SPATA31E1: variants seen among roughly 807,000 people sequenced by gnomAD.
The protein encoded by SPATA31E1 is spermatogenesis-associated protein 31E1.
A neutral mutation model predicts 12.9 loss-of-function variants in SPATA31E1; 7 were observed. The observed-to-expected ratio is 0.54, with a 90% CI of 0.31 to 1.02. SPATA31E1 has a LOEUF of 1.02. SPATA31E1 is among the 50% of genes least tolerant of loss of function. The probability of loss-of-function intolerance (pLI) is 0.05; values close to 1 mark genes in which losing one functional copy is unlikely to be tolerated. For synonymous variants in SPATA31E1, 771 were observed against 719.0 expected, an observed-to-expected ratio of 1.07 and a Z score of -1.16; for missense variants, 1,961 against 1,799.8, an observed-to-expected ratio of 1.09 and a Z score of -1.62.
At position 87,888,623 on chromosome 9, in the gene SPATA31E1, C is replaced by G. The variant is rs557844478; in HGVS notation, c.4136C>G (p.Pro1379Arg). 6.2e-7 allele frequency: 1 copy of G among 1,614,080 alleles called. No individual in the cohort carries two copies. Among genetic ancestry groups the G allele is most frequent in the African/African-American group, 1.3e-5 (1 of 75,030 alleles). ...SREMRALACSPKATPKGHHCP... is the reference protein window; with the variant it reads ...SREMRALACSRKATPKGHHCP... ...GAGATGAGAGCTCTGGCCTGCAGCC[C>G]TAAAGCCACCCCCAAGGGCCACCAC... Residue 1379 changes from proline (P) to arginine (R), a missense_variant, in exon 4 of 4, where the codon CCT becomes CGT. Transcript: ENST00000325643.
chr9:87,886,652 C>CA lies in SPATA31E1; in HGVS notation c.2166dup (p.Gly723ArgfsTer17). On this transcript the variant is annotated frameshift_variant, in exon 4 of 4. Coordinates refer to ENST00000325643, the MANE Select transcript of SPATA31E1 (RefSeq NM_178828.5). LOFTEE classifies it low-confidence loss of function (END_TRUNC). ...CCGGACCCAAGCCGGGATCAAGGCTCAGGAAGGACCTCAGTGAAGGCTCTG... is the reference window on the plus strand; with the variant it reads ...CCGGACCCAAGCCGGGATCAAGGCTCAAGGAAGGACCTCAGTGAAGGCTCTG... The CA allele has an allele frequency of 6.2e-7, 1 of 1,613,956 alleles. No individual in the cohort carries two copies. The highest frequency in any genetic ancestry group is 1.7e-5 in the Admixed American group (1 of 60,012).
Position 87,884,967 on chromosome 9 carries a change from C to T in SPATA31E1, c.480C>T (p.Asp160=). The T allele has an allele frequency of 6.2e-7, 1 of 1,613,966 alleles. No individual in the cohort carries two copies. ...GCTCCCACCTGCCCTTAGGTGGAGA[C>T]CCCCTGGGGGACGTGTGTAAACCAG... is the stretch of plus-strand genomic sequence containing the variant. ...EGSSHLPLGG[D]PLGDVCKPVP... is the part of the protein sequence containing the mutation. Residue 160 remains aspartate, a synonymous_variant, in exon 4 of 4, where the codon GAC becomes GAT. Transcript: ENST00000325643.
Position 87,887,066 on chromosome 9 carries a change from T to TCTGGTCAGGTGAGG in SPATA31E1, c.2582_2595dup (p.Gln866GlyfsTer56), listed in dbSNP as rs1828293112. On this transcript the variant is annotated frameshift_variant, in exon 4 of 4. Transcript: ENST00000325643. LOFTEE classifies it low-confidence loss of function (END_TRUNC). ...CTCCAGTCCCTGGAGCCCATAAATG[T>TCTGGTCAGGTGAGG]CTGGTCAGGTGAGGCTCAGGCCCCG... The TCTGGTCAGGTGAGG allele has an allele frequency of 6.2e-7, 1 of 1,613,974 alleles. No individual in the cohort carries two copies. Among genetic ancestry groups the TCTGGTCAGGTGAGG allele is most frequent in the African/African-American group, 1.3e-5 (1 of 74,930 alleles).
chr9:87,884,936 A>G lies in SPATA31E1; in HGVS notation c.449A>G (p.Glu150Gly). Residue 150 changes from glutamate (E) to glycine (G), a missense_variant, in exon 4 of 4, where the codon GAA becomes GGA. Glu to Gly is a moderately conservative substitution (Grantham distance 98, BLOSUM62 -2). Coordinates refer to ENST00000325643, the MANE Select transcript of SPATA31E1 (RefSeq NM_178828.5). ...AGCCACCTGAGGAAGCTCGCTGGCG[A>G]AGGCAGCTCCCACCTGCCCTTAGGT... ...LESHLRKLAG[E>G]GSSHLPLGGD... The G allele has an allele frequency of 6.2e-7, 1 of 1,610,104 alleles. No homozygotes were observed. Among genetic ancestry groups the G allele is most frequent in the South Asian group, 1.1e-5 (1 of 90,834 alleles).
At chr9:87,884,139 C>G (rs566125737) in intron 2 of SPATA31E1, 93 bp downstream of exon 2, 6 of 1,458,210 alleles carry the variant, frequency 4.1e-6, no homozygotes, top group Non-Finnish European at 5.6e-6. Context: ...GAGGGAAGCT[C>G]CTGGGAGAGA....
Position 87,887,603 on chromosome 9 carries a change from G to A in SPATA31E1, c.3116G>A (p.Gly1039Glu), listed in dbSNP as rs1345508643. Residue 1039 changes from glycine (G) to glutamate (E), a missense_variant, in exon 4 of 4, where the codon GGG (glycine) becomes GAG (glutamate). Gly to Glu is a moderately conservative substitution (Grantham distance 98, BLOSUM62 -2). Transcript: ENST00000325643. ...GATGCCCTGCAGGCACTGAAAGTGG[G>A]GGAGAAGCCCCCAACTTGGGAAGTC... ...AEDALQALKV[G>E]EKPPTWEVTL... 2.5e-6 allele frequency: 4 copies of A among 1,614,048 alleles called. No homozygotes were observed. In the Admixed American group the frequency reaches 6.7e-5, roughly 27 times the overall value.
In SPATA31E1 at chr9:87,886,266, C is replaced by A. The variant is rs1828271840; in HGVS notation, c.1779C>A (p.Ser593Arg). Residue 593 changes from serine to arginine, a missense_variant, in exon 4 of 4, where the codon AGC becomes AGA. Coordinates refer to ENST00000325643, the MANE Select transcript of SPATA31E1 (RefSeq NM_178828.5). ...TCAAAAAGTCTCAGGCTGTTCTGAGCCAGCCCACTGCCCACCTTCCCCAAG... is the reference window on the plus strand; with the variant it reads ...TCAAAAAGTCTCAGGCTGTTCTGAGACAGCCCACTGCCCACCTTCCCCAAG... ...SLLKKSQAVL[S>R]QPTAHLPQER... is the part of the protein sequence containing the mutation. 1 of 1,613,726 alleles carries A rather than the reference C, an allele frequency of 6.2e-7. No individual in the cohort carries two copies. The highest frequency in any genetic ancestry group is 1.1e-5 in the South Asian group (1 of 91,078).
rs777273224 is a variant in SPATA31E1 at position 87,887,005 on chromosome 9, G to A, written c.2518G>A (p.Val840Ile). 2 of 1,614,000 alleles carry A rather than the reference G, an allele frequency of 1.2e-6. No individual in the cohort carries two copies. Among genetic ancestry groups the A allele is most frequent in the Admixed American group, 1.7e-5 (1 of 60,000 alleles). The change falls in exon 4 of 4, where the codon GTA becomes ATA. Residue 840 changes from valine (V) to isoleucine (I), a missense_variant. Coordinates refer to ENST00000325643, the MANE Select transcript of SPATA31E1 (RefSeq NM_178828.5). ...CCAGCAGATACTGGAAGTACATCTT[G>A]TAAGGTTCTGTGTGAGGCACAGCTG... ...CTQQILEVHLVRFCVRHSWGT... is the reference protein window; with the variant it reads ...CTQQILEVHLIRFCVRHSWGT...
In SPATA31E1 at chr9:87,886,235, C is replaced by T. The variant is rs765888202; in HGVS notation, c.1748C>T (p.Ser583Phe). The T allele has an allele frequency of 2.5e-6, 4 of 1,613,962 alleles. No homozygotes were observed. Among genetic ancestry groups the T allele is most frequent in the Non-Finnish European group, 3.4e-6 (4 of 1,180,008 alleles). ...CCAAAGTGGAAGAGGGTTTTGCCCT[C>T]TCTCCTCAAAAAGTCTCAGGCTGTT... ...KRPKWKRVLP[S>F]LLKKSQAVLS... Residue 583 changes from serine to phenylalanine, a missense_variant, in exon 4 of 4, where the codon TCT becomes TTT. By Grantham distance (155) the Ser-to-Phe change is radical. Transcript: ENST00000325643.
In SPATA31E1 at chr9:87,887,354, G is replaced by A. The variant is rs1828301176; in HGVS notation, c.2867G>A (p.Arg956Lys). Residue 956 changes from arginine (R) to lysine (K), a missense_variant, in exon 4 of 4, where the codon AGG (arginine) becomes AAG (lysine). Transcript: ENST00000325643. ...SEAFPTGHKG[R>K]GCSQPPTCSL... ...GCCTTTCCGACTGGACACAAGGGCA[G>A]GGGGTGTTCTCAGCCCCCAACATGC... is the stretch of plus-strand genomic sequence containing the variant. 1 of 1,613,818 alleles carries A rather than the reference G, an allele frequency of 6.2e-7. No homozygotes were observed. Among genetic ancestry groups the A allele is most frequent in the Non-Finnish European group, 8.5e-7 (1 of 1,180,012 alleles).
rs1330690193 is a variant in SPATA31E1, at chr9:87,886,470, A to AG, written c.1986dup (p.Arg663GlufsTer20). The stretch of plus-strand genomic sequence containing the variant: ...TGCTACAGCCTGATGGGGAATTCCC[A>AG]GGGAGGCCCCAGAGTCAGGCAGAAG... On this transcript the variant is annotated frameshift_variant, in exon 4 of 4. Transcript: ENST00000325643. LOFTEE classifies it low-confidence loss of function (END_TRUNC). The AG allele has an allele frequency of 1.2e-6, 2 of 1,613,816 alleles. No homozygotes were observed. The highest frequency in any genetic ancestry group is 1.7e-6 in the Non-Finnish European group (2 of 1,179,968).
In SPATA31E1 at chr9:87,885,185, G is replaced by A. The variant is rs773311481; in HGVS notation, c.698G>A (p.Cys233Tyr). 8 of 1,613,936 alleles carry A rather than the reference G, an allele frequency of 5.0e-6. No homozygotes were observed. Among genetic ancestry groups the A allele is most frequent in the Non-Finnish European group, 5.9e-6 (7 of 1,180,024 alleles). Residue 233 changes from cysteine (C) to tyrosine (Y), a missense_variant, in exon 4 of 4, where the codon TGC (cysteine) becomes TAC (tyrosine). Transcript: ENST00000325643. ...GPPEPLLPLK[C>Y]PATQPHVVFP... The stretch of plus-strand genomic sequence containing the variant: ...CCAGAGCCCTTGCTTCCCCTAAAAT[G>A]CCCTGCAACCCAGCCACATGTGGTT...
rs770121258 is a variant in SPATA31E1 at position 87,888,736 on chromosome 9, C to G, written c.4249C>G (p.His1417Asp). 9.3e-6 allele frequency: 15 copies of G among 1,613,656 alleles called. No individual in the cohort carries two copies. Among genetic ancestry groups the G allele is most frequent in the Middle Eastern group, 3.3e-4 (2 of 6,082 alleles). Reference sequence around the variant, plus strand: ...GCCTGTGTCCCCAGCTGGTCCCCACCACCACAGGCCAAGAATGGCAAGCAC... The same window carrying G: ...GCCTGTGTCCCCAGCTGGTCCCCACGACCACAGGCCAAGAATGGCAAGCAC... ...REPVSPAGPH[H>D]HRPRMASTSG... The change falls in exon 4 of 4, where the codon CAC becomes GAC. Residue 1417 changes from histidine (H) to aspartate (D), a missense_variant. His to Asp is a moderately conservative substitution (Grantham distance 81). Coordinates refer to ENST00000325643, the MANE Select transcript of SPATA31E1 (RefSeq NM_178828.5).
At position 87,887,659 on chromosome 9, in the gene SPATA31E1, G is replaced by C; in HGVS notation, c.3172G>C (p.Gly1058Arg). 1.9e-6 allele frequency: 3 copies of C among 1,614,168 alleles called. No individual in the cohort carries two copies. Among genetic ancestry groups the C allele is most frequent in the Non-Finnish European group, 2.5e-6 (3 of 1,180,008 alleles). The change falls in exon 4 of 4, where the codon GGA becomes CGA. Residue 1058 changes from glycine to arginine, a missense_variant. Transcript: ENST00000325643. ...TLGASVRASS[G>R]SVQEDLRSTG... The stretch of plus-strand genomic sequence containing the variant: ...GGGAGCCAGTGTGAGGGCAAGTTCG[G>C]GAAGTGTTCAGGAGGATCTGAGGAG...
rs143897502 is a variant in SPATA31E1, at chr9:87,883,585, C to T, written c.309+385C>T. Among the ~76,000 whole-genome samples the T allele has an allele frequency of 8.0e-3, 1,219 of 152,272 alleles. 16 individuals carry two copies. Among genetic ancestry groups the T allele is most frequent in the African/African-American group, 0.027 (1,137 of 41,552 alleles). On this transcript the variant is annotated intron_variant, in intron 1 of 3. Coordinates refer to ENST00000325643, the MANE Select transcript of SPATA31E1 (RefSeq NM_178828.5). ...GCTGTGCTGAGCTCCTGAGAGCCTC[C>T]CAGTAGAGCCTGGATTCGCCTGTGG...
At chr9:87,884,080 G>A (rs1212979760) in intron 2 of SPATA31E1, 34 bp downstream of exon 2, 1 of 1,573,518 alleles carries the variant, frequency 6.4e-7, no homozygotes, top group Non-Finnish European at 8.6e-7. Flanking sequence ...ACTCCCCAGA[G>A]GTAACTGAGC....
In SPATA31E1 at chr9:87,888,663, CAG is replaced by C. The variant is rs777504156; in HGVS notation, c.4177_4178del (p.Arg1393GlyfsTer55). ...PKGHHCPVKN[R>X]GIRDRDSSWA... Reference sequence around the variant, plus strand: ...AGGGCCACCACTGTCCTGTCAAAAACAGGGGCATCAGAGACAGAGACAGCAGT... The same window carrying C: ...AGGGCCACCACTGTCCTGTCAAAAACGGGCATCAGAGACAGAGACAGCAGT... On this transcript the variant is annotated frameshift_variant, in exon 4 of 4. Transcript: ENST00000325643. LOFTEE classifies it low-confidence loss of function (END_TRUNC). 3.1e-6 allele frequency: 5 copies of C among 1,613,972 alleles called. No homozygotes were observed. Among genetic ancestry groups the C allele is most frequent in the South Asian group, 2.2e-5 (2 of 91,072 alleles).
chr9:87,884,087 G>A (rs1483573933), intron 2 of SPATA31E1, 41 bp downstream of exon 2: 1 of 1,567,776 alleles, frequency 6.4e-7, no homozygotes, highest in Non-Finnish European at 8.7e-7. Context: ...AGAGGTAACT[G>A]AGCTTTGCCT....
Position 87,884,009 on chromosome 9 carries a change from C to T in SPATA31E1, c.327C>T (p.Ser109=), listed in dbSNP as rs199931341. 110 of 1,607,296 alleles carry T rather than the reference C, an allele frequency of 6.8e-5. 1 individual carries two copies. In the Admixed American group the frequency reaches 1.5e-3, roughly 22 times the overall value. ...RSSREPQRER[S]GRSRSRKISA... The stretch of plus-strand genomic sequence containing the variant: ...CCTCTCAGCCTCAAAGGGAGAGAAG[C>T]GGGAGGTCCAGGAGCAGGAAGATCT... Residue 109 remains serine, a synonymous_variant, in exon 2 of 4, where the codon AGC becomes AGT. Coordinates refer to ENST00000325643, the MANE Select transcript of SPATA31E1 (RefSeq NM_178828.5).
Sources: allele counts gnomAD v4.1 joint callset (sites outside exome capture counted in the v4.1 genomes callset), GRCh38; gene constraint gnomAD v4.1.1; transcripts MANE v1.5; gene names NCBI Gene and HGNC (gene_info 2026-07-23, HGNC 2026-07-21).